USP50: variants seen among roughly 807,000 people sequenced by gnomAD.
The protein encoded by USP50 is ubiquitin specific peptidase 50.
USP50 carries 37 observed loss-of-function variants against 39.2 expected under a neutral mutation model. That is an observed-to-expected ratio of 0.94 (90% CI 0.73 to 1.24). The LOEUF is 1.24. Ranked by LOEUF, USP50 falls within the 50% of genes most tolerant of loss-of-function variation. The pLI is 0.00. For synonymous variants in USP50, 139 were observed against 144.5 expected (o/e 0.96, Z 0.27); for missense variants, 374 against 398.2 (o/e 0.94, Z 0.52).
chr15:50,501,005 TCTC>T, intron 6 of USP50, 168 bp from the exon 7 acceptor site: 1 of 581,522 alleles, frequency 1.7e-6, no homozygotes, highest in African/African-American at 1.9e-5. Flanking sequence ...CTATATTGCT[TCTC>T]ATTTCATTGT....
intron 6 of USP50, among the ~76,000 whole-genome samples, chr15:50,522,184 G>T (rs890826139): frequency 2.0e-5 from 3 of 151,906 alleles, no homozygotes; most frequent in African/African-American, 7.3e-5. Flanking sequence ...CCAACAGTCT[G>T]GGAGGCCAAG....
At chr15:50,494,450 A>G (rs2052294795) in intron 1 of USP50, among the ~76,000 whole-genome samples, 1 of 152,250 alleles carries the variant, frequency 6.6e-6, no homozygotes, top group Non-Finnish European at 1.5e-5. Flanking sequence ...TATTTGAAGC[A>G]TATACAGTTG....
chr15:50,493,065 G>A (rs1239755696), downstream of USP50: 1 of 835,526 alleles, frequency 1.2e-6, no homozygotes, highest in East Asian at 2.7e-5. Context: ...CTTAGTTCTT[G>A]ACTGGGAAGG....
intron 6 of USP50, chr15:50,503,803 G>A (rs762747526): frequency 6.6e-6 from 1 of 152,150 alleles, no homozygotes; most frequent in Non-Finnish European, 1.5e-5. Flanking sequence ...ATCCACATAT[G>A]AAACCCCAAT....
chr15:50,502,966 G>T (rs902355543), intron 6 of USP50: 3 of 152,182 alleles, frequency 2.0e-5, no homozygotes, highest in Non-Finnish European at 2.9e-5. Context: ...TAGTACACAG[G>T]AGTTATTTAT....
chr15:50,544,006 T>C (rs1196573472), intron 2 of USP50: 1 of 557,622 alleles, frequency 1.8e-6, no homozygotes. Context: ...TCACCCCAGC[T>C]TGGGTGACAG....
At chr15:50,530,916 T>C (rs1388117817) in intron 5 of USP50, among the ~76,000 whole-genome samples, 1 of 152,174 alleles carries the variant, frequency 6.6e-6, no homozygotes, top group East Asian at 1.9e-4. Flanking sequence ...CTTGGCAATG[T>C]CCTGTTTTCA....
chr15:50,498,966 C>A, downstream of USP50: 1 of 1,613,820 alleles, frequency 6.2e-7, no homozygotes, highest in Non-Finnish European at 8.5e-7. Flanking sequence ...AGCAAGACAA[C>A]GGTGGTTTAA....
At chr15:50,545,998 C>G (rs1219097397) in intron 1 of USP50, among the ~76,000 whole-genome samples, 1 of 151,054 alleles carries the variant, frequency 6.6e-6, no homozygotes, top group Non-Finnish European at 1.5e-5. Context: ...ATGTGAATTG[C>G]CCAGACCTGC....
intron 6 of USP50, 74 bp downstream of exon 6, chr15:50,529,723 A>G: frequency 6.6e-7 from 1 of 1,514,434 alleles, no homozygotes; most frequent in South Asian, 1.3e-5. Flanking sequence ...AGACAGGAGA[A>G]ATAGGGATTC....
chr15:50,537,299 C>G (rs1169112873), intron 5 of USP50, among the ~76,000 whole-genome samples: 1 of 151,394 alleles, frequency 6.6e-6, no homozygotes, highest in African/African-American at 2.4e-5. Context: ...CAAAAATTAA[C>G]TCAAAATGGA....
At chr15:50,499,043 C>T (rs1182846231), downstream of USP50, 3 of 1,613,180 alleles carry the variant, frequency 1.9e-6, no homozygotes, top group Non-Finnish European at 2.5e-6. Context: ...CTTATATCCT[C>T]TTTTATACTT....
At chr15:50,524,021 C>T (rs2052870043) in intron 6 of USP50, among the ~76,000 whole-genome samples, 1 of 152,134 alleles carries the variant, frequency 6.6e-6, no homozygotes, top group Non-Finnish European at 1.5e-5. Flanking sequence ...GTGCCAAGAA[C>T]ATACAATAGG....
chr15:50,523,500 A>G (rs2052867122), intron 6 of USP50, among the ~76,000 whole-genome samples: 1 of 152,218 alleles, frequency 6.6e-6, no homozygotes, highest in South Asian at 2.1e-4. Context: ...CATTACTGAC[A>G]AACTATCCAA....
intron 5 of USP50, among the ~76,000 whole-genome samples, chr15:50,532,464 A>G (rs1468712172): frequency 6.6e-6 from 1 of 151,812 alleles, no homozygotes; most frequent in Non-Finnish European, 1.5e-5. Flanking sequence ...TGGAGGCTGA[A>G]GTTCATTAAA....
chr15:50,516,366 C>T (rs558462892), intron 6 of USP50, among the ~76,000 whole-genome samples: 6 of 152,226 alleles, frequency 3.9e-5, no homozygotes, highest in Non-Finnish European at 5.9e-5. Flanking sequence ...TTTTGGGAGC[C>T]GAGGCAGGTG....
intron 5 of USP50, among the ~76,000 whole-genome samples, chr15:50,532,378 T>C (rs796592206): frequency 3.3e-5 from 5 of 152,160 alleles, no homozygotes; most frequent in African/African-American, 9.6e-5. Context: ...AACACCCAAC[T>C]CCAGCCCACT....
At position 50,518,489 on chromosome 15, in the gene USP50, G is replaced by A. The variant is rs183261514; in HGVS notation, c.936+11308C>T. On this transcript the variant is annotated intron_variant, in intron 6 of 6. Coordinates refer to ENST00000532404, the MANE Select transcript of USP50 (RefSeq NM_203494.5). The stretch of plus-strand genomic sequence containing the variant: ...GCCTCCCAAAGTGCTGGGATTACAG[G>A]CATGAGCCACTGCGCCCAGCCCAGC... 1.1e-4 allele frequency among the ~76,000 whole-genome samples: 16 copies of A among 152,062 alleles called. No homozygotes were observed. In the East Asian group the frequency reaches 3.1e-3, roughly 29 times the overall value.
intron 1 of USP50, among the ~76,000 whole-genome samples, chr15:50,545,638 A>G (rs912748584): frequency 6.7e-6 from 1 of 149,256 alleles, no homozygotes; most frequent in Non-Finnish European, 1.5e-5. Context: ...ATGAATATAT[A>G]TATCTTAAGA....
Sources: allele counts gnomAD v4.1 joint callset (sites outside exome capture counted in the v4.1 genomes callset), GRCh38; gene constraint gnomAD v4.1.1; transcripts MANE v1.5; gene names NCBI Gene and HGNC (gene_info 2026-07-23, HGNC 2026-07-21).